Variants in ATG7 observed in about 807,000 individuals in gnomAD.
ATG7 encodes autophagy related 7, also known as ubiquitin-like modifier-activating enzyme ATG7.
A neutral mutation model predicts 82.4 loss-of-function variants in ATG7; 70 were observed. The ratio of observed to expected loss-of-function variants is 0.85; its 90% CI spans 0.70 to 1.04. The LOEUF is 1.04. ATG7 is among the 50% of genes least tolerant of loss of function. ATG7 has a pLI of 0.00. For synonymous variants in ATG7, 287 were observed against 313.0 expected, an observed-to-expected ratio of 0.92 and a Z score of 0.88; for missense variants, 792 against 864.3, an observed-to-expected ratio of 0.92 and a Z score of 1.05.
At chr3:11,292,346 G>C (rs557194200) in intron 3 of ATG7, among the ~76,000 whole-genome samples, 6 of 148,732 alleles carry the variant, frequency 4.0e-5, no homozygotes, top group Non-Finnish European at 8.9e-5. Flanking sequence ...TGCAACCTCC[G>C]CCTCCTGGGT....
chr3:11,558,734 G>T, downstream of ATG7: 5 of 1,614,210 alleles, frequency 3.1e-6, no homozygotes, highest in Non-Finnish European at 4.2e-6. Flanking sequence ...GCCCGTGATG[G>T]ACACGGAGTT....
intron 19 of ATG7, among the ~76,000 whole-genome samples, chr3:11,411,664 A>G (rs529032668): frequency 3.2e-4 from 47 of 145,632 alleles, no homozygotes; most frequent in African/African-American, 1.1e-3. Context: ...ATCAGATATG[A>G]TTTTCAGATT....
At chr3:11,460,662 A>G (rs2086219676) in intron 20 of ATG7, among the ~76,000 whole-genome samples, 1 of 152,250 alleles carries the variant, frequency 6.6e-6, no homozygotes, top group South Asian at 2.1e-4. Context: ...AAGACACACA[A>G]TAGGAAGATT....
At chr3:11,290,953 A>G (rs1944888966) in intron 3 of ATG7, among the ~76,000 whole-genome samples, 1 of 152,110 alleles carries the variant, frequency 6.6e-6, no homozygotes, top group Non-Finnish European at 1.5e-5. Context: ...AAGTGCTGGG[A>G]TTACAGGCGT....
chr3:11,388,167 T>C (rs1043322858), intron 19 of ATG7, among the ~76,000 whole-genome samples: 3 of 152,122 alleles, frequency 2.0e-5, no homozygotes, highest in Non-Finnish European at 2.9e-5. Flanking sequence ...GAACTGACCA[T>C]CTACCTCTGG....
At chr3:11,461,785 G>C (rs1344603240) in intron 20 of ATG7, among the ~76,000 whole-genome samples, 3 of 152,062 alleles carry the variant, frequency 2.0e-5, no homozygotes, top group Non-Finnish European at 4.4e-5. Context: ...CCAGCACTTT[G>C]GGAGGCCGAA....
At chr3:11,548,935 G>C (rs1396792274) in intron 20 of ATG7, among the ~76,000 whole-genome samples, 1 of 152,276 alleles carries the variant, frequency 6.6e-6, no homozygotes, top group African/African-American at 2.4e-5. Context: ...GCTGTTGCCA[G>C]ATTGTCCTCT....
chr3:11,559,200 C>G (rs953511465), downstream of ATG7: 31 of 1,404,144 alleles, frequency 2.2e-5, no homozygotes, highest in Non-Finnish European at 2.6e-5. Context: ...ACTGGACGTG[C>G]TCAAGAAATA....
At position 11,286,863 on chromosome 3, in the gene ATG7, C is replaced by T. The variant is rs548555572; in HGVS notation, c.-11+4425C>T. ...CAAGCTATCCTCCCGCCTCAGACCC[C>T]CAAAGTGCTGGGATTGCAGGTGTGA... On this transcript the variant is annotated intron_variant, in intron 3 of 20. Coordinates refer to ENST00000693202, the MANE Select transcript of ATG7 (RefSeq NM_001349232.2). Among the ~76,000 whole-genome samples, 3 of 151,974 alleles carry T rather than the reference C, an allele frequency of 2.0e-5. No individual in the cohort carries two copies. In the East Asian group the frequency reaches 5.8e-4, roughly 29 times the overall value.
intron 20 of ATG7, among the ~76,000 whole-genome samples, chr3:11,427,493 T>TA (rs1245499762): frequency 6.7e-6 from 1 of 149,594 alleles, no homozygotes; most frequent in Non-Finnish European, 1.5e-5. Flanking sequence ...ATTGCATCAT[T>TA]TTTTTTTTTT....
intron 12 of ATG7, 74 bp downstream of exon 12, chr3:11,340,809 C>A: frequency 2.2e-6 from 3 of 1,364,598 alleles, no homozygotes; most frequent in Admixed American, 1.8e-5. Context: ...GTCAGGCCAA[C>A]ACAACATTGT....
intron 19 of ATG7, among the ~76,000 whole-genome samples, chr3:11,424,456 G>A (rs1462106443): frequency 1.3e-5 from 2 of 151,838 alleles, no homozygotes; most frequent in Non-Finnish European, 2.9e-5. Flanking sequence ...TCCAGCCTAG[G>A]TGACAGAGCG....
intron 20 of ATG7, among the ~76,000 whole-genome samples, chr3:11,427,134 C>G (rs1300715528): frequency 6.6e-6 from 1 of 152,168 alleles, no homozygotes; most frequent in African/African-American, 2.4e-5. Flanking sequence ...CAGTAGGTGC[C>G]TAATACACAA....
At chr3:11,322,717 A>G (rs1008915689) in intron 9 of ATG7, among the ~76,000 whole-genome samples, 3 of 152,208 alleles carry the variant, frequency 2.0e-5, no homozygotes, top group Admixed American at 6.5e-5. Context: ...TGCTTTGTGC[A>G]TCAAATTTTT....
In ATG7 at chr3:11,481,812, A is replaced by C. The variant is rs991072536; in HGVS notation, c.2079+54886A>C. ...TTGAGTAGGGGTGTGGCTGTGCACC[A>C]GTCATTTAATCTTTGTGGACCGCAG... is the stretch of plus-strand genomic sequence containing the variant. On this transcript the variant is annotated intron_variant, in intron 20 of 20. Transcript: ENST00000693202. 2.6e-5 allele frequency among the ~76,000 whole-genome samples: 4 copies of C among 152,180 alleles called. No homozygotes were observed. In the South Asian group the frequency reaches 8.3e-4, roughly 32 times the overall value.
intron 13 of ATG7, among the ~76,000 whole-genome samples, chr3:11,343,087 C>T (rs1953927052): frequency 6.6e-6 from 1 of 152,054 alleles, no homozygotes; most frequent in African/African-American, 2.4e-5. Flanking sequence ...CACCATTACA[C>T]TTGGCTAATT....
At chr3:11,383,117 C>G (rs1031261896) in intron 19 of ATG7, among the ~76,000 whole-genome samples, 1 of 152,206 alleles carries the variant, frequency 6.6e-6, no homozygotes, top group African/African-American at 2.4e-5. Context: ...AATCCACAGT[C>G]TGTGTATTCA....
chr3:11,311,240 A>G (rs1447987623), intron 7 of ATG7, among the ~76,000 whole-genome samples: 1 of 152,152 alleles, frequency 6.6e-6, no homozygotes, highest in African/African-American at 2.4e-5. Flanking sequence ...GGTCATTTCT[A>G]TCCTGAAAAG....
chr3:11,273,144 C>T (rs552788053), intron 1 of ATG7, among the ~76,000 whole-genome samples: 2 of 152,326 alleles, frequency 1.3e-5, no homozygotes, highest in South Asian at 2.1e-4. Context: ...TAAAAATTGG[C>T]AAGTAATTCT....
Sources: allele counts gnomAD v4.1 joint callset (sites outside exome capture counted in the v4.1 genomes callset), GRCh38; gene constraint gnomAD v4.1.1; transcripts MANE v1.5; gene names NCBI Gene and HGNC (gene_info 2026-07-23, HGNC 2026-07-21).